Variants in DSN1 observed in about 807,000 individuals in gnomAD.
DSN1 encodes kinetochore-associated protein DSN1 homolog.
Under a neutral mutation model 45.7 loss-of-function variants are expected in DSN1, and 31 were observed. The observed-to-expected ratio is 0.68, with a 90% CI of 0.51 to 0.92. DSN1 has a LOEUF of 0.92. Ranked by LOEUF, DSN1 falls within the 40% of genes least tolerant of loss-of-function variation. The probability of loss-of-function intolerance (pLI) is 0.00; values close to 1 mark genes in which losing one functional copy is unlikely to be tolerated. For missense variants in DSN1, 394 were observed against 414.2 expected (o/e 0.95, Z 0.42); for synonymous variants, 134 against 142.3 (o/e 0.94, Z 0.41).
intron 3 of DSN1, among the ~76,000 whole-genome samples, chr20:36,769,700 T>C: frequency 6.6e-6 from 1 of 152,090 alleles, no homozygotes; most frequent in East Asian, 1.9e-4. Flanking sequence ...ATCTCCAAGT[T>C]GCTGATGAGG....
Position 36,767,166 on chromosome 20 carries a change from G to A in DSN1, c.430-325C>T, listed in dbSNP as rs554785684. ...TAAAAATACAAAAAAAATTAGCGGG[G>A]CATGGTGGCGCGTGCCTGTAGTCCC... On this transcript the variant is annotated intron_variant, in intron 4 of 10. Transcript: ENST00000373750. 2.6e-5 allele frequency among the ~76,000 whole-genome samples: 4 copies of A among 151,966 alleles called. No homozygotes were observed. The East Asian group carries it at 5.9e-4, about 22-fold the overall frequency.
chr20:36,754,968 T>G (rs967026495), intron 9 of DSN1, 118 bp from the exon 10 acceptor site: 1 of 774,194 alleles, frequency 1.3e-6, no homozygotes, highest in African/African-American at 1.7e-5. Context: ...CAGCCTGGAA[T>G]GCTTATGCCA....
intron 1 of DSN1, chr20:36,773,275 C>A: frequency 3.0e-6 from 2 of 668,008 alleles, no homozygotes; most frequent in Non-Finnish European, 3.7e-6. Flanking sequence ...CCATTAACTC[C>A]ACTTTGCAGA....
intron 4 of DSN1, among the ~76,000 whole-genome samples, chr20:36,767,493 C>T (rs1030232722): frequency 1.3e-5 from 2 of 152,094 alleles, no homozygotes; most frequent in African/African-American, 2.4e-5. Flanking sequence ...AGGCTGGGCA[C>T]GGTGGCTCAC....
Position 36,758,544 on chromosome 20 carries a change from A to C in DSN1, c.650+14T>G, listed in dbSNP as rs773268434. On this transcript the variant is annotated intron_variant, in intron 7 of 10. Coordinates refer to ENST00000373750, the MANE Select transcript of DSN1 (RefSeq NM_001145315.2). Reference sequence around the variant, plus strand: ...GGAGAACGAATTTAGATTTTCTAACAAAGGTTAACTTACTTTGTTATGTAT... The same window carrying C: ...GGAGAACGAATTTAGATTTTCTAACCAAGGTTAACTTACTTTGTTATGTAT... 6.3e-7 allele frequency: 1 copy of C among 1,590,606 alleles called. No homozygotes were observed. Among genetic ancestry groups the C allele is most frequent in the Non-Finnish European group, 8.5e-7 (1 of 1,172,068 alleles).
intron 5 of DSN1, among the ~76,000 whole-genome samples, chr20:36,763,556 C>A (rs1278419101): frequency 6.6e-6 from 1 of 151,702 alleles, no homozygotes; most frequent in Admixed American, 6.6e-5. Flanking sequence ...CCCAGCACAG[C>A]TTGAGCAACA....
intron 6 of DSN1, among the ~76,000 whole-genome samples, chr20:36,760,752 G>A (rs1371001754): frequency 1.3e-5 from 2 of 152,118 alleles, no homozygotes; most frequent in Admixed American, 1.3e-4. Context: ...GTTGGGCGTG[G>A]TGGCAGGTGC....
In DSN1 at chr20:36,752,811, A is replaced by G. The variant is rs1200250497; in HGVS notation, c.1048T>C (p.Ser350Pro). Residue 350 changes from serine (S) to proline (P), a missense_variant, in exon 11 of 11, where the codon TCT becomes CCT. Ser to Pro is a moderately conservative substitution (Grantham distance 74, BLOSUM62 -1). Transcript: ENST00000373750. ...QLQNPPAIHG[S>P]GSGSCQ ...AGTCACTGACAAGATCCAGATCCAGATCCATGTATGGCAGGTGGGTTCTGT... is the reference window on the plus strand; with the variant it reads ...AGTCACTGACAAGATCCAGATCCAGGTCCATGTATGGCAGGTGGGTTCTGT... 1 of 1,614,034 alleles carries G rather than the reference A, an allele frequency of 6.2e-7. No individual in the cohort carries two copies. Among genetic ancestry groups the G allele is most frequent in the African/African-American group, 1.3e-5 (1 of 74,930 alleles).
intron 3 of DSN1, among the ~76,000 whole-genome samples, chr20:36,770,632 G>A (rs561783229): frequency 4.6e-5 from 7 of 152,310 alleles, no homozygotes; most frequent in African/African-American, 1.7e-4. Flanking sequence ...GCTGAAGTGG[G>A]AGGATTGCTT....
At chr20:36,758,673 T>C in intron 6 of DSN1, 56 bp from the exon 7 acceptor site, 1 of 1,471,954 alleles carries the variant, frequency 6.8e-7, no homozygotes, top group Non-Finnish European at 9.3e-7. Context: ...TGCTTTAATA[T>C]AATCGCTTAT....
Position 36,771,411 on chromosome 20 carries a change from A to G in DSN1, c.34+14T>C, listed in dbSNP as rs764120714. ...CCCAAGGTAAGAGGTACTGAATTTC[A>G]CTACAATACTTACCATCTATGATCT... On this transcript the variant is annotated intron_variant, in intron 2 of 10. Transcript: ENST00000373750. 6 of 1,612,614 alleles carry G rather than the reference A, an allele frequency of 3.7e-6. No individual in the cohort carries two copies. The East Asian group carries it at 1.3e-4, about 36-fold the overall frequency.
chr20:36,762,060 G>A (rs1181636287), intron 6 of DSN1, among the ~76,000 whole-genome samples: 3 of 150,824 alleles, frequency 2.0e-5, no homozygotes, highest in Non-Finnish European at 4.4e-5. Flanking sequence ...ATGTTTGTTG[G>A]TGAATGAACA....
At chr20:36,760,541 C>T (rs974440778) in intron 6 of DSN1, among the ~76,000 whole-genome samples, 7 of 152,220 alleles carry the variant, frequency 4.6e-5, no homozygotes, top group Admixed American at 1.3e-4. Context: ...GCCTGAGACA[C>T]ACAGCCATTA....
At chr20:36,765,770 C>T (rs549781486) in intron 5 of DSN1, among the ~76,000 whole-genome samples, 60 of 149,682 alleles carry the variant, frequency 4.0e-4, no homozygotes, top group Non-Finnish European at 7.5e-4. Flanking sequence ...TACACTCCAG[C>T]CTGGGCGACA....
intron 5 of DSN1, among the ~76,000 whole-genome samples, chr20:36,763,340 G>A (rs1393688217): frequency 7.3e-6 from 1 of 137,874 alleles, no homozygotes; most frequent in African/African-American, 2.6e-5. Context: ...GAGAGGCAGA[G>A]GTTGCAGTGA....
Position 36,758,133 on chromosome 20 carries a change from G to C in DSN1, c.679C>G (p.Gln227Glu). ...KFSLERQTWDQLLLHYQQEAK... is the reference protein window; with the variant it reads ...KFSLERQTWDELLLHYQQEAK... ...TCCTGCTGGTAGTGAAGCAAGAGCT[G>C]ATCCCAAGTCTGACGTTCTAAAGAA... is the stretch of plus-strand genomic sequence containing the variant. Residue 227 changes from glutamine to glutamate, a missense_variant, in exon 8 of 11, where the codon CAG (glutamine) becomes GAG (glutamate). Gln to Glu is a conservative substitution (Grantham distance 29, BLOSUM62 2). Transcript: ENST00000373750. 6.2e-7 allele frequency: 1 copy of C among 1,614,054 alleles called. No individual in the cohort carries two copies. Among genetic ancestry groups the C allele is most frequent in the Non-Finnish European group, 8.5e-7 (1 of 1,179,980 alleles).
At chr20:36,766,623 C>G (rs1304241067) in intron 5 of DSN1, 146 bp downstream of exon 5, 1 of 716,646 alleles carries the variant, frequency 1.4e-6, no homozygotes, top group African/African-American at 1.8e-5. Flanking sequence ...CTACTGCACT[C>G]CAGTCTGGGC....
chr20:36,767,794 C>A (rs1049593366), intron 4 of DSN1, among the ~76,000 whole-genome samples, 175 bp downstream of exon 4: 1 of 151,930 alleles, frequency 6.6e-6, no homozygotes, highest in Non-Finnish European at 1.5e-5. Flanking sequence ...CTCAGCTACT[C>A]GGGAGGCTGA....
At chr20:36,765,253 A>AG (rs1987252376) in intron 5 of DSN1, among the ~76,000 whole-genome samples, 1 of 148,460 alleles carries the variant, frequency 6.7e-6, no homozygotes, top group South Asian at 2.1e-4. Context: ...GTGTTAAAAA[A>AG]AAAAAAAAAA....
Sources: allele counts gnomAD v4.1 joint callset (sites outside exome capture counted in the v4.1 genomes callset), GRCh38; gene constraint gnomAD v4.1.1; transcripts MANE v1.5; gene names NCBI Gene and HGNC (gene_info 2026-07-23, HGNC 2026-07-21).